CHCHD3: variants seen among roughly 807,000 people sequenced by gnomAD.
The protein encoded by CHCHD3 is MICOS complex subunit MIC19.
Under a neutral mutation model 38.2 loss-of-function variants are expected in CHCHD3, and 20 were observed. That is an observed-to-expected ratio of 0.52 (90% CI 0.37 to 0.76). The LOEUF is 0.76. Ranked by LOEUF, CHCHD3 falls within the 30% of genes least tolerant of loss-of-function variation. The pLI, the probability that CHCHD3 is intolerant of heterozygous loss-of-function variation, is 0.00. For synonymous variants in CHCHD3, 82 were observed against 100.0 expected, an observed-to-expected ratio of 0.82 and a Z score of 1.07; for missense variants, 245 against 279.2, an observed-to-expected ratio of 0.88 and a Z score of 0.87.
At chr7:133,047,050 G>C (rs1207721113) in intron 2 of CHCHD3, among the ~76,000 whole-genome samples, 2 of 151,990 alleles carry the variant, frequency 1.3e-5, no homozygotes, top group Admixed American at 1.3e-4. Flanking sequence ...TCATAGCCTC[G>C]GTTTCTTCGT....
Position 132,914,140 on chromosome 7 carries a change from G to A in CHCHD3, c.370-28395C>T, listed in dbSNP as rs1301631350. On this transcript the variant is annotated intron_variant, in intron 4 of 7. Coordinates refer to ENST00000262570, the MANE Select transcript of CHCHD3 (RefSeq NM_017812.4). ...ATGCCTGGCGTGTGTGTGTGTGTGT[G>A]TGTGTGTGTGTGTGTGTGTGTGTGT... is the stretch of plus-strand genomic sequence containing the variant. 2.7e-5 allele frequency among the ~76,000 whole-genome samples: 4 copies of A among 150,308 alleles called. No homozygotes were observed. The East Asian group carries it at 5.9e-4, about 22-fold the overall frequency.
At chr7:133,011,679 A>C (rs61573115) in intron 3 of CHCHD3, among the ~76,000 whole-genome samples, 3,720 of 152,288 alleles carry the variant, frequency 0.024, 160 homozygotes, top group African/African-American at 0.084. Context: ...CAAAGGTGAG[A>C]GGTAATTCAT....
chr7:132,828,592 A>G (rs1807565823), intron 6 of CHCHD3, among the ~76,000 whole-genome samples: 1 of 152,200 alleles, frequency 6.6e-6, no homozygotes, highest in South Asian at 2.1e-4. Flanking sequence ...TGGTAATTAT[A>G]CATTCAAATG....
At chr7:132,930,777 C>G (rs918405381) in intron 4 of CHCHD3, among the ~76,000 whole-genome samples, 5 of 152,124 alleles carry the variant, frequency 3.3e-5, no homozygotes, top group African/African-American at 1.2e-4. Context: ...TCTCCCATCG[C>G]TATACCTTTT....
chr7:132,934,466 C>T (rs1248507819), intron 4 of CHCHD3, among the ~76,000 whole-genome samples: 1 of 152,090 alleles, frequency 6.6e-6, no homozygotes, highest in African/African-American at 2.4e-5. Flanking sequence ...ATCATCTGAC[C>T]CCACATCGCT....
chr7:132,869,992 AAC>A (rs759715077), intron 5 of CHCHD3, among the ~76,000 whole-genome samples: 121 of 152,280 alleles, frequency 7.9e-4, no homozygotes, highest in African/African-American at 1.2e-3. Flanking sequence ...ATATTATAAA[AAC>A]AGTTTTATGG....
chr7:132,860,865 C>T (rs1161665627), intron 5 of CHCHD3, among the ~76,000 whole-genome samples: 1 of 152,172 alleles, frequency 6.6e-6, no homozygotes, highest in Non-Finnish European at 1.5e-5. Flanking sequence ...CTCAAGTGAT[C>T]CACCCGCCTC....
intron 2 of CHCHD3, among the ~76,000 whole-genome samples, chr7:133,031,179 G>A (rs1813491256): frequency 6.6e-6 from 1 of 152,072 alleles, no homozygotes; most frequent in African/African-American, 2.4e-5. Flanking sequence ...CAAAGAAAGT[G>A]TAACATAAGT....
rs149051597 is a variant in CHCHD3 at position 132,940,549 on chromosome 7, A to G, written c.369+34620T>C. Among the ~76,000 whole-genome samples, 77 of 152,322 alleles carry G rather than the reference A, an allele frequency of 5.1e-4. 1 individual carries two copies. The highest frequency in any genetic ancestry group is 1.8e-3 in the African/African-American group (74 of 41,586). ...TCAGGGGTTTGGTTTTGTTGTAGGA[A>G]TAAACCATGGCCGTCCTTAGGAATA... On this transcript the variant is annotated intron_variant, in intron 4 of 7. Coordinates refer to ENST00000262570, the MANE Select transcript of CHCHD3 (RefSeq NM_017812.4).
chr7:132,974,838 C>T (rs1170355809), intron 4 of CHCHD3, among the ~76,000 whole-genome samples: 1 of 151,304 alleles, frequency 6.6e-6, no homozygotes, highest in East Asian at 1.9e-4. Context: ...CGCACCACTG[C>T]ACTCTAGCCT....
intron 3 of CHCHD3, among the ~76,000 whole-genome samples, chr7:132,975,584 A>T (rs545528937): frequency 1.4e-4 from 21 of 152,270 alleles, no homozygotes; most frequent in Middle Eastern, 3.4e-3. Context: ...CCCACCAAAA[A>T]AATTCCATCC....
chr7:132,796,318 T>C, intron 7 of CHCHD3, 124 bp downstream of exon 7: 12 of 1,013,494 alleles, frequency 1.2e-5, no homozygotes, highest in Non-Finnish European at 1.6e-5. Flanking sequence ...TAATTCTTGA[T>C]GATGATGACT....
intron 4 of CHCHD3, among the ~76,000 whole-genome samples, chr7:132,950,406 T>G (rs532674609): frequency 2.0e-5 from 3 of 152,200 alleles, no homozygotes; most frequent in Non-Finnish European, 4.4e-5. Flanking sequence ...TTTGCTTCTC[T>G]GAAGATCTCC....
intron 5 of CHCHD3, chr7:132,847,373 A>G (rs565551496): frequency 2.6e-5 from 4 of 152,226 alleles, no homozygotes; most frequent in Non-Finnish European, 5.9e-5. Context: ...CACAAAATCA[A>G]GTACAAAACA....
intron 3 of CHCHD3, among the ~76,000 whole-genome samples, chr7:132,996,853 C>A (rs557159943): frequency 6.6e-5 from 10 of 152,284 alleles, no homozygotes; most frequent in African/African-American, 2.2e-4. Flanking sequence ...GGGGAAGGGA[C>A]TGCAAGATTA....
intron 6 of CHCHD3, among the ~76,000 whole-genome samples, chr7:132,827,001 C>T (rs1807524894): frequency 6.6e-6 from 1 of 152,062 alleles, no homozygotes; most frequent in African/African-American, 2.4e-5. Flanking sequence ...TCTATTTCTA[C>T]AGTAATAAAA....
intron 4 of CHCHD3, among the ~76,000 whole-genome samples, chr7:132,967,573 C>A (rs1811498144): frequency 1.3e-5 from 2 of 151,798 alleles, no homozygotes; most frequent in African/African-American, 4.8e-5. Flanking sequence ...GGAGGATCTC[C>A]TGAGCACAGG....
intron 4 of CHCHD3, among the ~76,000 whole-genome samples, 199 bp from the exon 5 acceptor site, chr7:132,885,944 C>A (rs1182690194): frequency 6.6e-6 from 1 of 152,002 alleles, no homozygotes; most frequent in Admixed American, 6.6e-5. Context: ...TATTTTTTTT[C>A]CCGCTGTAAC....
At chr7:132,954,665 A>G (rs922677687) in intron 4 of CHCHD3, among the ~76,000 whole-genome samples, 3 of 152,148 alleles carry the variant, frequency 2.0e-5, no homozygotes, top group African/African-American at 7.2e-5. Flanking sequence ...AGCAGGCCCA[A>G]TTCCTCAGAT....
Sources: allele counts gnomAD v4.1 joint callset (sites outside exome capture counted in the v4.1 genomes callset), GRCh38; gene constraint gnomAD v4.1.1; transcripts MANE v1.5; gene names NCBI Gene and HGNC (gene_info 2026-07-23, HGNC 2026-07-21).